SLIT3: variants seen among roughly 807,000 people sequenced by gnomAD.
SLIT3 encodes slit guidance ligand 3, also known as slit homolog 3 protein.
A neutral mutation model predicts 184.0 loss-of-function variants in SLIT3; 68 were observed. The observed-to-expected ratio is 0.37, with a 90% CI of 0.30 to 0.45. SLIT3 has a LOEUF of 0.45. Ranked by LOEUF, SLIT3 falls within the 20% of genes least tolerant of loss-of-function variation. The pLI, the probability that SLIT3 is intolerant of heterozygous loss-of-function variation, is 1.00. For synonymous variants in SLIT3, 831 were observed against 828.6 expected (o/e 1.00, Z -0.05); for missense variants, 1,707 against 2,026.0 (o/e 0.84, Z 3.02).
intron 4 of SLIT3, among the ~76,000 whole-genome samples, chr5:169,079,555 A>G (rs1458219196): frequency 2.7e-4 from 28 of 105,554 alleles, no homozygotes; most frequent in African/African-American, 3.7e-4. Context: ...AAGGAGGAAG[A>G]AGGAGGAGGA....
intron 4 of SLIT3, among the ~76,000 whole-genome samples, chr5:169,086,188 A>G (rs538861480): frequency 1.3e-5 from 2 of 152,232 alleles, no homozygotes; most frequent in Non-Finnish European, 2.9e-5. Flanking sequence ...AGAGGGTTAC[A>G]TAGGCTAACC....
At chr5:168,907,897 T>C (rs1348133575) in intron 4 of SLIT3, among the ~76,000 whole-genome samples, 1 of 138,200 alleles carries the variant, frequency 7.2e-6, no homozygotes, top group African/African-American at 2.8e-5. Context: ...ATATATATCA[T>C]ATATATATAG....
chr5:169,246,444 A>G (rs1765593112), intron 2 of SLIT3, among the ~76,000 whole-genome samples: 1 of 152,200 alleles, frequency 6.6e-6, no homozygotes, highest in African/African-American at 2.4e-5. Flanking sequence ...TTAGTTTAGA[A>G]GCCCTGTTTT....
At chr5:169,092,104 T>C (rs1217433630) in intron 4 of SLIT3, among the ~76,000 whole-genome samples, 1 of 152,112 alleles carries the variant, frequency 6.6e-6, no homozygotes, top group Non-Finnish European at 1.5e-5. Context: ...GCAGCTATAA[T>C]CCCACCTACT....
At chr5:169,177,648 C>T (rs1386014233) in intron 4 of SLIT3, among the ~76,000 whole-genome samples, 1 of 152,186 alleles carries the variant, frequency 6.6e-6, no homozygotes, top group Non-Finnish European at 1.5e-5. Context: ...AATACAAAGG[C>T]TCCTTATAAA....
intron 28 of SLIT3, 93 bp from the exon 29 acceptor site, chr5:168,692,793 A>T: frequency 5.9e-6 from 5 of 852,152 alleles, no homozygotes; most frequent in Non-Finnish European, 9.6e-6. Flanking sequence ...TCCTGGCCAG[A>T]AGATCAGACT....
At position 168,700,689 on chromosome 5, in the gene SLIT3, A is replaced by C; in HGVS notation, c.2845-10T>G. 6.2e-7 allele frequency: 1 copy of C among 1,610,854 alleles called. No individual in the cohort carries two copies. On this transcript the variant is annotated splice_polypyrimidine_tract_variant and intron_variant, in intron 26 of 35. Coordinates refer to ENST00000519560, the MANE Select transcript of SLIT3 (RefSeq NM_003062.4). ...CAGTGCAGTCCTTGCCCTGAGGAGC[A>C]AAAGAGGGAGAAGCACCTGGTTAGG...
chr5:168,726,537 AGGGGAGG>A (rs1199966066), intron 20 of SLIT3, among the ~76,000 whole-genome samples: 9 of 110 alleles, frequency 0.082, no homozygotes, highest in Non-Finnish European at 0.13. Context: ...GGAGGGAGGG[AGGGGAGG>A]GAGGGAGGCA....
intron 4 of SLIT3, among the ~76,000 whole-genome samples, chr5:168,996,421 AT>A (rs1206138964): frequency 6.6e-6 from 1 of 152,180 alleles, no homozygotes; most frequent in Admixed American, 6.5e-5. Flanking sequence ...CTAAAGTTTC[AT>A]TTTTAATGAA....
At chr5:168,870,106 G>A (rs1429440359) in intron 5 of SLIT3, among the ~76,000 whole-genome samples, 1 of 152,242 alleles carries the variant, frequency 6.6e-6, no homozygotes, top group Non-Finnish European at 1.5e-5. Flanking sequence ...CATGTACCAT[G>A]AGCAGTATTG....
chr5:168,856,804 TGTGCGC>T (rs1215603399), intron 5 of SLIT3, among the ~76,000 whole-genome samples: 11 of 138,288 alleles, frequency 8.0e-5, no homozygotes, highest in African/African-American at 3.1e-4. Context: ...TGTGTGTGTG[TGTGCGC>T]GCGCGCGCAC....
At position 169,106,470 on chromosome 5, in the gene SLIT3, G is replaced by C. The variant is rs116413993; in HGVS notation, c.413+87009C>G. On this transcript the variant is annotated intron_variant, in intron 4 of 35. Transcript: ENST00000519560. ...CCTTAGTATCTCCAATGCAAAGTGA[G>C]TCATTTTGATGTGGCCATCTTGCTA... 1.4e-3 allele frequency among the ~76,000 whole-genome samples: 211 copies of C among 152,306 alleles called. 1 individual carries two copies. The highest frequency in any genetic ancestry group is 4.8e-3 in the African/African-American group (199 of 41,558).
At chr5:168,832,979 G>T (rs2113690336) in intron 6 of SLIT3, among the ~76,000 whole-genome samples, 1 of 152,268 alleles carries the variant, frequency 6.6e-6, no homozygotes, top group South Asian at 2.1e-4. Flanking sequence ...GTGAAATGTA[G>T]TTGAAACCTT....
intron 4 of SLIT3, among the ~76,000 whole-genome samples, chr5:169,137,327 C>CAGAGAGAGAGAGAGAGAG (rs761731942): frequency 1.7e-4 from 15 of 87,292 alleles, no homozygotes; most frequent in African/African-American, 6.2e-4. Flanking sequence ...CACACACACA[C>CAGAGAGAGAGAGAGAGAG]ACACACACAG....
chr5:168,772,880 C>G lies in SLIT3; in HGVS notation c.1360G>C (p.Asp454His), dbSNP rs759475506. 6.2e-7 allele frequency: 1 copy of G among 1,613,766 alleles called. No homozygotes were observed. Among genetic ancestry groups the G allele is most frequent in the Non-Finnish European group, 8.5e-7 (1 of 1,179,836 alleles). ...HLKWLADYLQ[D>H]NPIETSGARC... ...GCCCCGCTTGTCTCGATGGGGTTGTCCTGGAGGTAGTCGGCCAGCCACTTC... is the reference window on the plus strand; with the variant it reads ...GCCCCGCTTGTCTCGATGGGGTTGTGCTGGAGGTAGTCGGCCAGCCACTTC... Residue 454 changes from aspartate (D) to histidine (H), a missense_variant, in exon 14 of 36, where the codon GAC (aspartate) becomes CAC (histidine). Physicochemically the swap from Asp to His is moderately conservative, Grantham distance 81. Around this residue, in one of 3 missense-constraint regions of SLIT3, gnomAD observed 1,307 missense variants for 1,511.6 expected, o/e 0.86. Coordinates refer to ENST00000519560, the MANE Select transcript of SLIT3 (RefSeq NM_003062.4).
chr5:169,106,327 G>A (rs1316565463), intron 4 of SLIT3, among the ~76,000 whole-genome samples: 7 of 152,156 alleles, frequency 4.6e-5, no homozygotes, highest in Admixed American at 6.5e-5. Flanking sequence ...ACCACAGAGC[G>A]ACTAGTGCTG....
At chr5:168,995,111 G>A (rs943612714) in intron 4 of SLIT3, among the ~76,000 whole-genome samples, 3 of 152,144 alleles carry the variant, frequency 2.0e-5, no homozygotes, top group Admixed American at 6.5e-5. Context: ...GCTCATACCA[G>A]GTGATCTTAC....
Position 169,257,049 on chromosome 5 carries a change from A to G in SLIT3, c.198-5590T>C, listed in dbSNP as rs540844012. Among the ~76,000 whole-genome samples, 25 of 152,074 alleles carry G rather than the reference A, an allele frequency of 1.6e-4. No homozygotes were observed. The South Asian group carries it at 5.2e-3, about 32-fold the overall frequency. On this transcript the variant is annotated intron_variant, in intron 1 of 35. Coordinates refer to ENST00000519560, the MANE Select transcript of SLIT3 (RefSeq NM_003062.4). ...CATGGACAACTCACCAGTCTGCCAC[A>G]ATGCTCTATGAATGATAATCGTGGA...
At position 168,824,491 on chromosome 5, in the gene SLIT3, G is replaced by A. The variant is rs1757637472; in HGVS notation, c.558-1160C>T. On this transcript the variant is annotated intron_variant, in intron 6 of 35. Transcript: ENST00000519560. Reference sequence around the variant, plus strand: ...GGAGAAACCTATTATGGAAGCCTAGGGAAAGCATGGCACCTAAGGAAGGCC... The same window carrying A: ...GGAGAAACCTATTATGGAAGCCTAGAGAAAGCATGGCACCTAAGGAAGGCC... 2.0e-5 allele frequency among the ~76,000 whole-genome samples: 3 copies of A among 152,176 alleles called. No homozygotes were observed. The South Asian group carries it at 6.2e-4, about 32-fold the overall frequency.
Sources: allele counts gnomAD v4.1 joint callset (sites outside exome capture counted in the v4.1 genomes callset), GRCh38; gene constraint gnomAD v4.1.1; regional missense constraint gnomAD v4.1.1; transcripts MANE v1.5; gene names NCBI Gene and HGNC (gene_info 2026-07-23, HGNC 2026-07-21).